AKAP9: variants seen among roughly 807,000 people sequenced by gnomAD.
The protein encoded by AKAP9 is A-kinase anchoring protein 9.
A neutral mutation model predicts 488.5 loss-of-function variants in AKAP9; 311 were observed. The observed-to-expected ratio is 0.64, with a 90% CI of 0.58 to 0.70. AKAP9 has a LOEUF of 0.70. Among genes scored for constraint, AKAP9 ranks in the 30% least tolerant of loss-of-function variants. The pLI is 0.00. For missense variants in AKAP9, 4,215 were observed against 4,374.5 expected (o/e 0.96, Z 1.03); for synonymous variants, 1,462 against 1,483.5 (o/e 0.99, Z 0.33).
At chr7:91,956,569 T>C (rs1165747040) in intron 1 of AKAP9, among the ~76,000 whole-genome samples, 1 of 152,206 alleles carries the variant, frequency 6.6e-6, no homozygotes, top group Non-Finnish European at 1.5e-5. Context: ...ATTAGACTGA[T>C]AGAGTTTTAG....
At chr7:92,105,620 G>A in intron 46 of AKAP9, 58 bp from the exon 47 acceptor site, 1 of 1,225,306 alleles carries the variant, frequency 8.2e-7, no homozygotes, top group South Asian at 1.2e-5. Flanking sequence ...ATTTTTGTAG[G>A]AAATGTATAT....
chr7:91,989,547 A>G (rs1329960801), intron 3 of AKAP9, among the ~76,000 whole-genome samples: 4 of 152,114 alleles, frequency 2.6e-5, no homozygotes, highest in Non-Finnish European at 5.9e-5. Context: ...ACAAGTAGAT[A>G]AATATACTTT....
intron 21 of AKAP9, among the ~76,000 whole-genome samples, chr7:92,048,830 C>T (rs1339950214): frequency 6.6e-6 from 1 of 151,458 alleles, no homozygotes; most frequent in Admixed American, 6.6e-5. Context: ...TGCTTGAACC[C>T]AGGAGGTGGA....
chr7:92,063,593 T>G, intron 24 of AKAP9: 152 of 608,754 alleles, frequency 2.5e-4, no homozygotes, highest in South Asian at 4.3e-4. Context: ...CTAACATCTC[T>G]AGTTTTGCAG....
At chr7:92,010,070 T>A (rs1168718311) in intron 8 of AKAP9, among the ~76,000 whole-genome samples, 2 of 152,146 alleles carry the variant, frequency 1.3e-5, no homozygotes, top group Non-Finnish European at 2.9e-5. Flanking sequence ...AACATTTTTT[T>A]ACAGACAGGA....
At chr7:92,086,502 TTAAGA>T in intron 37 of AKAP9, 86 bp downstream of exon 37, 1 of 1,107,612 alleles carries the variant, frequency 9.0e-7, no homozygotes, top group Non-Finnish European at 1.4e-6. Flanking sequence ...AGTATGAAGG[TTAAGA>T]TTTTAATAGG....
In AKAP9 at chr7:92,079,913, G is replaced by A. The variant is rs765254843; in HGVS notation, c.7780G>A (p.Glu2594Lys). The change falls in exon 31 of 50, where the codon GAA (glutamate) becomes AAA (lysine). Residue 2594 changes from glutamate to lysine, a missense_variant. By Grantham distance (56) the Glu-to-Lys change is moderately conservative. Coordinates refer to ENST00000356239, the MANE Select transcript of AKAP9 (RefSeq NM_005751.5). The stretch of plus-strand genomic sequence containing the variant: ...TATTCAGAATTTAAATCAACTAAGA[G>A]AAGATGAGTTGGGGTCAGATATATC... ...TNIQNLNQLR[E>K]DELGSDISAL... 1.1e-5 allele frequency: 17 copies of A among 1,613,674 alleles called. No individual in the cohort carries two copies. The highest frequency in any genetic ancestry group is 1.4e-5 in the Non-Finnish European group (16 of 1,179,756).
At chr7:92,040,635 A>G (rs1278642585) in intron 17 of AKAP9, 39 bp from the exon 18 acceptor site, 1 of 1,392,828 alleles carries the variant, frequency 7.2e-7, no homozygotes, top group Admixed American at 2.0e-5. Flanking sequence ...AAAATGTGTT[A>G]TGGTTGAATT....
At chr7:92,036,309 TTTTA>T (rs1805189303) in intron 16 of AKAP9, among the ~76,000 whole-genome samples, 1 of 151,962 alleles carries the variant, frequency 6.6e-6, no homozygotes, top group Non-Finnish European at 1.5e-5. Context: ...TCTCCTTTTT[TTTTA>T]ATTTTTTTTA....
intron 38 of AKAP9, chr7:92,092,218 G>A (rs2130889826): frequency 6.6e-6 from 1 of 152,176 alleles, no homozygotes; most frequent in African/African-American, 2.4e-5. Context: ...AAAATTTTCA[G>A]TTTGTTTTTA....
chr7:91,956,700 A>G (rs1793067126), intron 1 of AKAP9, among the ~76,000 whole-genome samples: 1 of 152,118 alleles, frequency 6.6e-6, no homozygotes, highest in Non-Finnish European at 1.5e-5. Flanking sequence ...ATGTTATGGC[A>G]TTCTTCCACA....
At position 91,940,993 on chromosome 7, in the gene AKAP9, C is replaced by G; in HGVS notation, c.-107C>G. On this transcript the variant is annotated 5_prime_UTR_variant, in exon 1 of 50. Transcript: ENST00000356239. Reference sequence around the variant, plus strand: ...GGGGGAGCGCCGGACCGAATCGGCTCTCTAGGCCGTGGAGCTTGCCGTCCC... The same window carrying G: ...GGGGGAGCGCCGGACCGAATCGGCTGTCTAGGCCGTGGAGCTTGCCGTCCC... The G allele has an allele frequency of 8.3e-7, 1 of 1,210,938 alleles. No homozygotes were observed. The highest frequency in any genetic ancestry group is 1.2e-6 in the Non-Finnish European group (1 of 812,976). The allele number at this position is 1,210,938 out of a possible 1,614,324, so 75.0% of individuals were successfully genotyped here. A position where few individuals can be genotyped will look rare whatever the true frequency, so the allele number is the denominator to read the frequency against.
chr7:92,083,363 C>A lies in AKAP9; in HGVS notation c.8354C>A (p.Thr2785Asn). 1 of 1,613,976 alleles carries A rather than the reference C, an allele frequency of 6.2e-7. No individual in the cohort carries two copies. The highest frequency in any genetic ancestry group is 1.1e-5 in the South Asian group (1 of 91,084). The change falls in exon 33 of 50, where the codon ACT (threonine) becomes AAT (asparagine). Residue 2785 changes from threonine (T) to asparagine (N), a missense_variant. Physicochemically the swap from Thr to Asn is moderately conservative, Grantham distance 65 (BLOSUM62 0). Around this residue, in one of 5 missense-constraint regions of AKAP9, gnomAD observed 1,476 missense variants for 1,477.4 expected, o/e 1.00. Transcript: ENST00000356239. The stretch of plus-strand genomic sequence containing the variant: ...AGCATTGCATCCCAGACAGATGGGA[C>A]TCTGAAGATCAGTAGCAGCAATCAG... ...SKSIASQTDG[T>N]LKISSSNQTP... is the part of the protein sequence containing the mutation.
At chr7:92,029,872 T>C in intron 14 of AKAP9, 23 bp from the exon 15 acceptor site, 1 of 1,576,040 alleles carries the variant, frequency 6.3e-7, no homozygotes, top group East Asian at 2.2e-5. Flanking sequence ...TCTAATTCTT[T>C]AACCTTTTTT....
intron 3 of AKAP9, among the ~76,000 whole-genome samples, chr7:91,985,444 T>A (rs943330339): frequency 2.0e-5 from 3 of 152,186 alleles, no homozygotes; most frequent in African/African-American, 7.2e-5. Flanking sequence ...TGAACCAGCC[T>A]TGCAGCCTAG....
At chr7:92,042,256 T>C (rs1335208118) in intron 19 of AKAP9, 70 bp downstream of exon 19, 4 of 1,597,104 alleles carry the variant, frequency 2.5e-6, no homozygotes, top group Non-Finnish European at 3.4e-6. Context: ...GTCTTTGTTG[T>C]TGGTATGAGA....
intron 7 of AKAP9, among the ~76,000 whole-genome samples, chr7:91,998,563 GGTT>G (rs1798720028): frequency 6.7e-6 from 1 of 149,914 alleles, no homozygotes; most frequent in African/African-American, 2.5e-5. Context: ...AATTATTGTT[GGTT>G]GTTATTATAT....
chr7:92,081,383 A>G (rs1459603689), intron 31 of AKAP9, among the ~76,000 whole-genome samples: 4 of 150,368 alleles, frequency 2.7e-5, no homozygotes, highest in African/African-American at 9.8e-5. Flanking sequence ...AGCTCACTGC[A>G]GCCTCCACCT....
Position 92,104,190 on chromosome 7 carries a change from ATTT to A in AKAP9, c.11330+1380_11330+1382del, listed in dbSNP as rs879741854. Among the ~76,000 whole-genome samples, 530 of 142,634 alleles carry A rather than the reference ATTT, an allele frequency of 3.7e-3. 4 individuals are homozygous for A. Among genetic ancestry groups the A allele is most frequent in the African/African-American group, 0.013 (491 of 37,922 alleles). The allele number at this position is 142,634 out of a possible 152,430, so 93.6% of individuals were successfully genotyped here. The stretch of plus-strand genomic sequence containing the variant: ...CTGATGCTGCTTTATTTATTTATTT[ATTT>A]TTTTTTTTTTTTTTTGAGACAGAGT... On this transcript the variant is annotated intron_variant, in intron 46 of 49. Transcript: ENST00000356239.
Sources: gnomAD v4.1 joint callset for allele counts (sites outside exome capture counted in the v4.1 genomes callset) on GRCh38, gnomAD v4.1.1 for gene constraint, gnomAD v4.1.1 regional missense constraint, MANE v1.5 for transcripts, NCBI Gene and HGNC (gene_info 2026-07-23, HGNC 2026-07-21) for gene names.